EML6: variants seen among roughly 807,000 people sequenced by gnomAD.
EML6 encodes the protein EMAP like 6, also known as echinoderm microtubule-associated protein-like 6.
EML6 carries 154 observed loss-of-function variants against 240.1 expected under a neutral mutation model. That is an observed-to-expected ratio of 0.64 (90% CI 0.56 to 0.73). The LOEUF is 0.73. EML6 is among the 30% of genes least tolerant of loss of function. EML6 has a pLI of 0.00. For synonymous variants in EML6, 1,148 were observed against 899.0 expected, an observed-to-expected ratio of 1.28 and a Z score of -4.95; for missense variants, 2,964 against 2,474.6, an observed-to-expected ratio of 1.20 and a Z score of -4.20.
intron 26 of EML6, among the ~76,000 whole-genome samples, chr2:54,917,341 C>A (rs1573137794): frequency 6.9e-6 from 1 of 145,940 alleles, no homozygotes; most frequent in African/African-American, 2.5e-5. Flanking sequence ...GAATTCTCTT[C>A]TTCCCTTTTT....
Position 54,762,418 on chromosome 2 carries a change from A to G in EML6, c.197+37160A>G, listed in dbSNP as rs138437812. On this transcript the variant is annotated intron_variant, in intron 2 of 41. Transcript: ENST00000356458. ...TCATTAAATGTTATCCATTTTCTCT[A>G]TCATATAGTTACTATTTTTTTCTTT... 3.7e-4 allele frequency among the ~76,000 whole-genome samples: 57 copies of G among 152,200 alleles called. 1 individual carries two copies. The East Asian group carries it at 0.011, about 29-fold the overall frequency.
intron 2 of EML6, among the ~76,000 whole-genome samples, chr2:54,795,043 T>G (rs769900294): frequency 6.6e-6 from 1 of 152,220 alleles, no homozygotes; most frequent in Non-Finnish European, 1.5e-5. Flanking sequence ...TAGTACTATT[T>G]ATTCGTGTTT....
At chr2:54,907,657 G>C (rs947299455) in intron 24 of EML6, among the ~76,000 whole-genome samples, 1 of 152,148 alleles carries the variant, frequency 6.6e-6, no homozygotes, top group Non-Finnish European at 1.5e-5. Context: ...TGATGTATGT[G>C]GATCACTTTG....
intron 2 of EML6, among the ~76,000 whole-genome samples, chr2:54,790,434 G>C (rs559550638): frequency 5.3e-5 from 8 of 152,270 alleles, no homozygotes; most frequent in Non-Finnish European, 1.2e-4. Flanking sequence ...TGCAGAGTAA[G>C]TTTACAACTA....
At chr2:54,916,301 C>G (rs565934672) in intron 25 of EML6, among the ~76,000 whole-genome samples, 5 of 152,180 alleles carry the variant, frequency 3.3e-5, no homozygotes, top group Non-Finnish European at 7.3e-5. Flanking sequence ...GAACATTTGG[C>G]AATGCCTGGG....
chr2:54,788,875 A>G (rs1669240467), intron 2 of EML6, among the ~76,000 whole-genome samples: 1 of 152,226 alleles, frequency 6.6e-6, no homozygotes, highest in Non-Finnish European at 1.5e-5. Context: ...TGAAAAATGG[A>G]AAGTCATTTC....
Position 54,928,873 on chromosome 2 carries a change from CAG to C in EML6, c.4004+125_4004+126del. ...TAAGTCAGTCTTTTATAAATCTTCA[CAG>C]AGTCTTCACCTGTACACAGGCTTAA... On this transcript the variant is annotated intron_variant, in intron 28 of 41. Transcript: ENST00000356458. 3.4e-6 allele frequency: 4 copies of C among 1,181,132 alleles called. No homozygotes were observed. The South Asian group carries it at 4.4e-5, about 13-fold the overall frequency. 73.2% of individuals were successfully genotyped at this position (1,181,132 alleles called of 1,614,324 possible). A position where few individuals can be genotyped will look rare whatever the true frequency, so the allele number is the denominator to read the frequency against.
intron 28 of EML6, among the ~76,000 whole-genome samples, chr2:54,938,607 A>G (rs1253521773): frequency 6.6e-6 from 1 of 152,234 alleles, no homozygotes; most frequent in East Asian, 1.9e-4. Flanking sequence ...AGTAACTACT[A>G]CAAAACAGTT....
At chr2:54,836,171 T>C (rs1669131357) in intron 7 of EML6, among the ~76,000 whole-genome samples, 1 of 152,144 alleles carries the variant, frequency 6.6e-6, no homozygotes, top group South Asian at 2.1e-4. Flanking sequence ...TGTCACTGTG[T>C]GCGCAAGTTC....
In EML6 at chr2:54,903,379, A is replaced by G. The variant is rs1019612578; in HGVS notation, c.3286A>G (p.Lys1096Glu). 3.2e-6 allele frequency: 5 copies of G among 1,551,594 alleles called. No homozygotes were observed. The highest frequency in any genetic ancestry group is 1.4e-5 in the African/African-American group (1 of 73,172). ...SDIKFSKDTG[K>E]YLAVASHDNF... ...CACATTTTTCTTAACAGATACGGGA[A>G]AATACCTTGCCGTGGCATCCCATGA... Residue 1096 changes from lysine to glutamate, a missense_variant, in exon 24 of 42, where the codon AAA becomes GAA. Lys to Glu is a moderately conservative substitution (Grantham distance 56). Transcript: ENST00000356458.
At chr2:54,859,946 A>G (rs1435084378) in intron 12 of EML6, among the ~76,000 whole-genome samples, 7 of 152,338 alleles carry the variant, frequency 4.6e-5, no homozygotes, top group Admixed American at 2.0e-4. Flanking sequence ...GACATCTGCA[A>G]TGTCAGAATA....
intron 26 of EML6, among the ~76,000 whole-genome samples, chr2:54,922,933 CTTTT>C (rs36078208): frequency 1.1e-4 from 8 of 73,846 alleles, no homozygotes; most frequent in East Asian, 4.2e-4. Flanking sequence ...AGGGTATAAA[CTTTT>C]TTTTTTTTTT....
Position 54,866,753 on chromosome 2 carries a change from G to A in EML6, c.1933-13G>A. ...AAAGGCATCTCACCCAGATGTTTCT[G>A]TTGTACTTTAAGGTTTACAAAGAAG... On this transcript the variant is annotated splice_polypyrimidine_tract_variant and intron_variant, in intron 13 of 41. Transcript: ENST00000356458. 6.6e-7 allele frequency: 1 copy of A among 1,503,912 alleles called. No homozygotes were observed. The highest frequency in any genetic ancestry group is 9.1e-7 in the Non-Finnish European group (1 of 1,104,846). 93.2% of individuals were successfully genotyped at this position (1,503,912 alleles called of 1,614,324 possible). A position where few individuals can be genotyped will look rare whatever the true frequency, so the allele number is the denominator to read the frequency against.
At position 54,954,244 on chromosome 2, in the gene EML6, C is replaced by T. The variant is rs753693997; in HGVS notation, c.4486+88C>T. ...GCTCGAACCCAGATCTGCCTCACTC[C>T]GAAGCCTGCCGTAGGCACTGACTGC... On this transcript the variant is annotated intron_variant, in intron 32 of 41. Transcript: ENST00000356458. 1.9e-3 allele frequency: 2,340 copies of T among 1,231,562 alleles called. 9 individuals are homozygous for T. Among genetic ancestry groups the T allele is most frequent in the Non-Finnish European group, 2.5e-3 (2,189 of 893,086 alleles). The allele number at this position is 1,231,562 out of a possible 1,614,324, so 76.3% of individuals were successfully genotyped here.
rs1669622420 is a variant in EML6 at position 54,844,121 on chromosome 2, G to C, written c.922G>C (p.Val308Leu). Reference sequence around the variant, plus strand: ...GACCCAGGACAGTGAGATATTTGAAGTGATTGTGCGAGAGCGAGACAAGCC... The same window carrying C: ...GACCCAGGACAGTGAGATATTTGAACTGATTGTGCGAGAGCGAGACAAGCC... The part of the protein sequence containing the change: ...AGTQDSEIFE[V>L]IVRERDKPML... Residue 308 changes from valine to leucine, a missense_variant, in exon 8 of 42, where the codon GTG (valine) becomes CTG (leucine). Coordinates refer to ENST00000356458, the MANE Select transcript of EML6 (RefSeq NM_001039753.4). 1 of 1,551,524 alleles carries C rather than the reference G, an allele frequency of 6.4e-7. No homozygotes were observed. The highest frequency in any genetic ancestry group is 8.7e-7 in the Non-Finnish European group (1 of 1,146,998).
chr2:54,913,541 G>C (rs950653269), intron 25 of EML6, among the ~76,000 whole-genome samples: 2 of 151,928 alleles, frequency 1.3e-5, no homozygotes, highest in Non-Finnish European at 2.9e-5. Context: ...TTTAGATTCT[G>C]GATATTAGAC....
Position 54,899,631 on chromosome 2 carries a change from T to C in EML6, c.2983-10T>C, listed in dbSNP as rs1372933966. The C allele has an allele frequency of 1.3e-6, 2 of 1,551,634 alleles. No individual in the cohort carries two copies. The highest frequency in any genetic ancestry group is 1.4e-5 in the African/African-American group (1 of 72,992). ...GTAGAGTTTATGTTGCCCCTTTTCC[T>C]CTCCCACAGGGGCACATGGAAGGAG... On this transcript the variant is annotated splice_polypyrimidine_tract_variant and intron_variant, in intron 21 of 41. Coordinates refer to ENST00000356458, the MANE Select transcript of EML6 (RefSeq NM_001039753.4).
In EML6 at chr2:54,895,352, A is replaced by G. The variant is rs1192288617; in HGVS notation, c.2934A>G (p.Gly978=). ...HGHILVGTKN[G]EILEIDKSGP... is the part of the protein sequence containing the mutation. ...ATATCCTGGTGGGAACAAAAAATGG[A>G]GAGATTCTGGAAATTGATAAGAGTG... Residue 978 remains glycine, a synonymous_variant, in exon 21 of 42, where the codon GGA becomes GGG. Transcript: ENST00000356458. 3.9e-6 allele frequency: 6 copies of G among 1,551,878 alleles called. No homozygotes were observed. In the Admixed American group the frequency reaches 9.8e-5, roughly 25 times the overall value.
chr2:54,900,028 TG>T (rs1672974266), intron 22 of EML6, among the ~76,000 whole-genome samples: 1 of 152,230 alleles, frequency 6.6e-6, no homozygotes, highest in Non-Finnish European at 1.5e-5. Context: ...ATTTGCCACC[TG>T]GGGGCAATAT....
Sources: gnomAD v4.1 joint callset for allele counts (sites outside exome capture counted in the v4.1 genomes callset) on GRCh38, gnomAD v4.1.1 for gene constraint, MANE v1.5 for transcripts, NCBI Gene and HGNC (gene_info 2026-07-23, HGNC 2026-07-21) for gene names.